The following FRMPD4 variants were observed in gnomAD, a reference collection of about 807,000 sequenced individuals.
FRMPD4 encodes the protein FERM and PDZ domain containing 4.
Under a neutral mutation model 94.1 loss-of-function variants are expected in FRMPD4, and 22 were observed. That is an observed-to-expected ratio of 0.23 (90% confidence interval 0.17 to 0.33). The LOEUF (loss-of-function observed/expected upper bound fraction) is 0.33. FRMPD4 is among the 10% of genes least tolerant of loss of function. FRMPD4 has a pLI of 1.00. For synonymous variants in FRMPD4, 631 were observed against 548.6 expected (o/e 1.15, Z -2.10); for missense variants, 1,111 against 1,339.9 (o/e 0.83, Z 2.67).
intron 1 of FRMPD4, among the ~76,000 whole-genome samples, chrX:12,415,612 T>TAACA (rs1312227447): frequency 1.4e-4 from 16 of 111,920 alleles, no homozygotes; most frequent in Non-Finnish European, 1.3e-4. Context: ...ATTGTATGAC[T>TAACA]AACACCCAAT....
intron 2 of FRMPD4, among the ~76,000 whole-genome samples, chrX:12,558,329 G>A (rs895940942): frequency 4.4e-5 from 5 of 112,760 alleles, no homozygotes; most frequent in African/African-American, 1.6e-4. Flanking sequence ...AAAAAGTATA[G>A]GGTCATGCCT....
rs964956365 is a variant in FRMPD4 at position 12,707,603 on chromosome X, CGAG to C, written c.1429_1431del (p.Glu477del). On this transcript the variant is annotated inframe_deletion, in exon 13 of 17. Transcript: ENST00000675598. ...ACGTCAACAGGATCGAAATGTTTTC[CGAG>C]GAGGAGAGCTTGGTGCGGGTAGAAC... The C allele has an allele frequency of 5.8e-6, 7 of 1,209,046 alleles. No homozygotes were observed. Among genetic ancestry groups the C allele is most frequent in the African/African-American group, 3.5e-5 (2 of 57,341 alleles).
intron 3 of FRMPD4, among the ~76,000 whole-genome samples, chrX:11,892,184 C>T (rs1220609246): frequency 8.9e-6 from 1 of 111,795 alleles, no homozygotes; most frequent in African/African-American, 3.3e-5. Context: ...TTTTTATTTT[C>T]CTGGACCAAA....
chrX:12,718,924 G>T, intron 16 of FRMPD4, 134 bp downstream of exon 16: 1 of 439,129 alleles, frequency 2.3e-6, no homozygotes, highest in Admixed American at 3.9e-5. Flanking sequence ...GAACTGTAAA[G>T]TACCAATCAT....
chrX:12,262,959 C>T (rs1356428303), intron 1 of FRMPD4, among the ~76,000 whole-genome samples: 1 of 111,514 alleles, frequency 9.0e-6, no homozygotes, highest in Non-Finnish European at 1.9e-5. Flanking sequence ...CTGAAGGGGC[C>T]TCGTGAGGTT....
At position 11,953,011 on chromosome X, in the gene FRMPD4, G is replaced by A. The variant is rs765255750; in HGVS notation, c.95+74993G>A. On this transcript the variant is annotated intron_variant, in intron 3 of 18. Transcript: ENST00000640291. ...GAAGACTCTTGATCAGGTAGGGCTCGGGGTGCTAAACCTAATGACATGGCT... is the reference window on the plus strand; with the variant it reads ...GAAGACTCTTGATCAGGTAGGGCTCAGGGTGCTAAACCTAATGACATGGCT... 1.9e-4 allele frequency among the ~76,000 whole-genome samples: 21 copies of A among 111,606 alleles called. No individual in the cohort carries two copies. The South Asian group carries it at 7.7e-3, about 41-fold the overall frequency.
chrX:12,474,684 T>G (rs968734076), intron 1 of FRMPD4, among the ~76,000 whole-genome samples: 4 of 111,491 alleles, frequency 3.6e-5, no homozygotes, highest in African/African-American at 9.8e-5. Context: ...TATAAACACC[T>G]CTATGCAAAT....
intron 3 of FRMPD4, among the ~76,000 whole-genome samples, chrX:12,049,869 A>G (rs1187513777): frequency 9.0e-6 from 1 of 111,504 alleles, no homozygotes; most frequent in Non-Finnish European, 1.9e-5. Context: ...TTCATTTTTA[A>G]TAAAAAAAGT....
intron 1 of FRMPD4, among the ~76,000 whole-genome samples, chrX:12,214,766 T>A (rs1158154689): frequency 8.9e-6 from 1 of 112,102 alleles, no homozygotes; most frequent in African/African-American, 3.2e-5. Context: ...ATATTAATCA[T>A]CTTCAAAAAG....
intron 1 of FRMPD4, among the ~76,000 whole-genome samples, chrX:12,163,462 T>TAAA (rs201319402): frequency 1.2e-4 from 8 of 67,640 alleles, no homozygotes; most frequent in African/African-American, 2.8e-4. Context: ...TGACCCTTTG[T>TAAA]AAAAAAAAAA....
chrX:11,899,560 G>T (rs1005462256), intron 3 of FRMPD4, among the ~76,000 whole-genome samples: 1 of 111,181 alleles, frequency 9.0e-6, no homozygotes, highest in African/African-American at 3.3e-5. Flanking sequence ...AGCCATAGAC[G>T]CTGAGTCCCC....
intron 1 of FRMPD4, among the ~76,000 whole-genome samples, chrX:11,832,977 C>T (rs888178593): frequency 2.7e-5 from 3 of 112,303 alleles, no homozygotes; most frequent in Non-Finnish European, 5.6e-5. Flanking sequence ...TAAAAATCTT[C>T]TGTGTTCTGC....
chrX:12,157,751 A>G lies in FRMPD4; in HGVS notation c.41+18739A>G, dbSNP rs150538540. On this transcript the variant is annotated intron_variant, in intron 1 of 16. Transcript: ENST00000675598. ...CTGTCCTGAAAGGGCTCTAAGTCAT[A>G]TACATTAACCAGTACACAAATGGTT... Among the ~76,000 whole-genome samples, 477 of 112,381 alleles carry G rather than the reference A, an allele frequency of 4.2e-3. 4 individuals are homozygous for G. The highest frequency in any genetic ancestry group is 0.015 in the African/African-American group (456 of 30,953).
At chrX:11,923,404 A>G (rs2054068600) in intron 3 of FRMPD4, among the ~76,000 whole-genome samples, 1 of 111,672 alleles carries the variant, frequency 9.0e-6, no homozygotes, top group African/African-American at 3.3e-5. Context: ...CCCCACCCCA[A>G]GCCAACACTA....
chrX:12,002,091 C>A (rs1226838442), intron 3 of FRMPD4, among the ~76,000 whole-genome samples: 4 of 111,923 alleles, frequency 3.6e-5, no homozygotes. Flanking sequence ...TCTCATAATG[C>A]CAGAAGGGAA....
At chrX:12,392,290 C>G (rs1325050527) in intron 1 of FRMPD4, among the ~76,000 whole-genome samples, 2 of 106,315 alleles carry the variant, frequency 1.9e-5, no homozygotes, top group Admixed American at 2.0e-4. Flanking sequence ...ATCTGCCTGC[C>G]TCGACCTCCC....
intron 1 of FRMPD4, among the ~76,000 whole-genome samples, chrX:11,845,426 T>A (rs2053568886): frequency 9.0e-6 from 1 of 111,116 alleles, no homozygotes; most frequent in Non-Finnish European, 1.9e-5. Flanking sequence ...CCAGATGGAT[T>A]CACAGCCGAA....
At chrX:12,235,281 A>G (rs906855401) in intron 1 of FRMPD4, among the ~76,000 whole-genome samples, 9 of 111,585 alleles carry the variant, frequency 8.1e-5, no homozygotes, top group Non-Finnish European at 3.8e-5. Context: ...TGCCGACCTC[A>G]AGGACAAATT....
chrX:12,334,090 G>A (rs768289228), intron 1 of FRMPD4, among the ~76,000 whole-genome samples: 1 of 111,437 alleles, frequency 9.0e-6, no homozygotes, highest in South Asian at 3.8e-4. Context: ...TTATGGAAAG[G>A]GCCTTCACCT....
Sources: gnomAD v4.1 joint callset for allele counts (sites outside exome capture counted in the v4.1 genomes callset) on GRCh38, gnomAD v4.1.1 for gene constraint, MANE v1.5 for transcripts, NCBI Gene and HGNC (gene_info 2026-07-23, HGNC 2026-07-21) for gene names.